GBE1: variants seen among roughly 807,000 people sequenced by gnomAD.
GBE1 encodes the protein 1,4-alpha-glucan-branching enzyme.
In GBE1, 70 loss-of-function variants were observed where a neutral mutation model predicts 88.8. The ratio of observed to expected loss-of-function variants is 0.79; its 90% CI spans 0.65 to 0.96. The LOEUF is 0.96. Among genes scored for constraint, GBE1 ranks in the 40% least tolerant of loss-of-function variants. The probability of loss-of-function intolerance (pLI) is 0.00; values close to 1 mark genes in which losing one functional copy is unlikely to be tolerated. For synonymous variants in GBE1, 284 were observed against 300.1 expected, an observed-to-expected ratio of 0.95 and a Z score of 0.56; for missense variants, 872 against 871.0, an observed-to-expected ratio of 1.00 and a Z score of -0.01.
At chr3:81,664,429 T>C (rs1705080239) in intron 3 of GBE1, among the ~76,000 whole-genome samples, 1 of 140,322 alleles carries the variant, frequency 7.1e-6, no homozygotes, top group African/African-American at 2.7e-5. Context: ...AATAGAAAAC[T>C]TGAATGTGTC....
chr3:81,731,427 A>G (rs562175207), intron 1 of GBE1, among the ~76,000 whole-genome samples: 1 of 152,322 alleles, frequency 6.6e-6, no homozygotes, highest in South Asian at 2.1e-4. Context: ...CACTGGAATT[A>G]TCCACTATGG....
chr3:81,491,620 T>C (rs934217102), intron 15 of GBE1, among the ~76,000 whole-genome samples: 3 of 152,180 alleles, frequency 2.0e-5, no homozygotes, highest in Admixed American at 6.6e-5. Context: ...AAAAATAATA[T>C]TGTAGATGGT....
chr3:81,714,870 A>G (rs1287056560), intron 1 of GBE1, among the ~76,000 whole-genome samples: 1 of 152,174 alleles, frequency 6.6e-6, no homozygotes, highest in Non-Finnish European at 1.5e-5. Context: ...GACATGGTAG[A>G]CAGGAAAGGG....
At chr3:81,587,372 CTT>C (rs1703816001) in intron 9 of GBE1, among the ~76,000 whole-genome samples, 2 of 152,262 alleles carry the variant, frequency 1.3e-5, no homozygotes, top group Admixed American at 1.3e-4. Flanking sequence ...CAACCACAAT[CTT>C]ATTTAATCTT....
chr3:81,552,664 A>G (rs916858222), intron 12 of GBE1, among the ~76,000 whole-genome samples: 1 of 152,174 alleles, frequency 6.6e-6, no homozygotes, highest in Non-Finnish European at 1.5e-5. Flanking sequence ...ACACTTATAA[A>G]CAAGTTTTAT....
At chr3:81,658,601 C>T (rs1251645205) in intron 3 of GBE1, among the ~76,000 whole-genome samples, 1 of 152,146 alleles carries the variant, frequency 6.6e-6, no homozygotes, top group African/African-American at 2.4e-5. Context: ...AAGGTTTATA[C>T]CCTAGTTCCC....
chr3:81,670,705 A>G (rs1468213189), intron 3 of GBE1, 133 bp downstream of exon 3: 12 of 558,464 alleles, frequency 2.1e-5, no homozygotes, highest in African/African-American at 4.0e-5. Flanking sequence ...ATTTCCCTCT[A>G]TTTGTACATT....
At chr3:81,648,088 C>T (rs1207929417) in intron 5 of GBE1, among the ~76,000 whole-genome samples, 3 of 152,046 alleles carry the variant, frequency 2.0e-5, no homozygotes, top group Non-Finnish European at 4.4e-5. Context: ...ACTTTACCAT[C>T]ACAGATAATC....
At chr3:81,544,455 T>C (rs995189515) in intron 12 of GBE1, among the ~76,000 whole-genome samples, 2 of 152,164 alleles carry the variant, frequency 1.3e-5, no homozygotes, top group Admixed American at 6.5e-5. Flanking sequence ...ATAATCATTT[T>C]TTGAGCCATC....
chr3:81,670,679 C>A (rs188558607), intron 3 of GBE1, among the ~76,000 whole-genome samples, 159 bp downstream of exon 3: 1 of 152,170 alleles, frequency 6.6e-6, no homozygotes, highest in African/African-American at 2.4e-5. Context: ...CAGTTCAACT[C>A]AAGACTTCCT....
chr3:81,620,047 A>G (rs1169318880), intron 7 of GBE1, among the ~76,000 whole-genome samples: 1 of 152,098 alleles, frequency 6.6e-6, no homozygotes, highest in African/African-American at 2.4e-5. Context: ...TTAAAAATAA[A>G]TCATAATTTT....
intron 12 of GBE1, among the ~76,000 whole-genome samples, chr3:81,575,488 T>C (rs776341097): frequency 1.6e-4 from 24 of 152,142 alleles, no homozygotes; most frequent in Non-Finnish European, 3.2e-4. Flanking sequence ...AAACAGAACA[T>C]ATATCTGAAT....
chr3:81,612,343 G>T, intron 7 of GBE1: 4 of 800,206 alleles, frequency 5.0e-6, no homozygotes, highest in Admixed American at 1.9e-5. Flanking sequence ...ATTTCCATTT[G>T]ATTTCGGTGG....
intron 7 of GBE1, among the ~76,000 whole-genome samples, chr3:81,635,941 AG>A (rs1704586555): frequency 6.6e-6 from 1 of 152,178 alleles, no homozygotes; most frequent in African/African-American, 2.4e-5. Context: ...TAAATACTCA[AG>A]ATACTTTCAA....
At chr3:81,671,923 A>G (rs1403294743) in intron 2 of GBE1, among the ~76,000 whole-genome samples, 1 of 152,010 alleles carries the variant, frequency 6.6e-6, no homozygotes, top group African/African-American at 2.4e-5. Flanking sequence ...AAAGAGAGAG[A>G]GCATCCATAA....
chr3:81,585,202 A>G (rs1217412452), intron 10 of GBE1, among the ~76,000 whole-genome samples: 1 of 152,144 alleles, frequency 6.6e-6, no homozygotes, highest in Non-Finnish European at 1.5e-5. Context: ...GTTTAATGTC[A>G]CAGCTATGCA....
intron 12 of GBE1, among the ~76,000 whole-genome samples, chr3:81,551,728 C>T (rs1215470184): frequency 6.6e-6 from 1 of 152,174 alleles, no homozygotes; most frequent in Non-Finnish European, 1.5e-5. Flanking sequence ...CCAAGCTGGA[C>T]ACATGTCATC....
At chr3:81,519,666 T>C (rs868384341) in intron 14 of GBE1, among the ~76,000 whole-genome samples, 1 of 151,252 alleles carries the variant, frequency 6.6e-6, no homozygotes, top group East Asian at 2.0e-4. Flanking sequence ...AATAGAACCA[T>C]GACACATTCA....
intron 7 of GBE1, among the ~76,000 whole-genome samples, chr3:81,614,293 G>A (rs185097009): frequency 7.9e-5 from 12 of 152,152 alleles, no homozygotes; most frequent in African/African-American, 2.9e-4. Flanking sequence ...TAATCTAGGG[G>A]GGGAAAAAAC....
Sources: allele counts gnomAD v4.1 joint callset (sites outside exome capture counted in the v4.1 genomes callset), GRCh38; gene constraint gnomAD v4.1.1; transcripts MANE v1.5; gene names NCBI Gene and HGNC (gene_info 2026-07-23, HGNC 2026-07-21).